RBFOX1: variants seen among roughly 807,000 people sequenced by gnomAD.
RBFOX1 encodes RNA binding fox-1 homolog 1, also known as RNA binding protein fox-1 homolog 1.
Under a neutral mutation model 57.7 loss-of-function variants are expected in RBFOX1, and 8 were observed. The ratio of observed to expected loss-of-function variants is 0.14; its 90% confidence interval spans 0.08 to 0.25. RBFOX1 has a LOEUF of 0.25. Among genes scored for constraint, RBFOX1 ranks in the 10% least tolerant of loss-of-function variants. The probability of loss-of-function intolerance (pLI) is 1.00; values close to 1 mark genes in which losing one functional copy is unlikely to be tolerated. For missense variants in RBFOX1, 611 were observed against 548.5 expected (o/e 1.11, Z -1.14); for synonymous variants, 326 against 222.4 (o/e 1.47, Z -4.15).
intron 2 of RBFOX1, among the ~76,000 whole-genome samples, chr16:6,546,053 G>C (rs2096890434): frequency 6.6e-6 from 1 of 152,134 alleles, no homozygotes; most frequent in Admixed American, 6.5e-5. Flanking sequence ...AATAGCTGAT[G>C]AACTATTAAA....
chr16:6,030,569 A>G (rs1332962235), intron 1 of RBFOX1, among the ~76,000 whole-genome samples: 1 of 152,258 alleles, frequency 6.6e-6, no homozygotes, highest in Admixed American at 6.5e-5. Flanking sequence ...ATGTGAACAT[A>G]TTCAAATATT....
rs114703137 is a variant in RBFOX1, at chr16:7,656,482, G to A, written c.890+2535G>A. On this transcript the variant is annotated intron_variant, in intron 12 of 15. Coordinates refer to ENST00000550418, the MANE Select transcript of RBFOX1 (RefSeq NM_018723.4). ...CCTATCTTGTGTTCAGGGAGAGCAAGAACCCCTATGTTGTGTTCAGGGAAA... is the reference window on the plus strand; with the variant it reads ...CCTATCTTGTGTTCAGGGAGAGCAAAAACCCCTATGTTGTGTTCAGGGAAA... Among the ~76,000 whole-genome samples, 186 of 152,252 alleles carry A rather than the reference G, an allele frequency of 1.2e-3. 2 individuals carry two copies. Among genetic ancestry groups the A allele is most frequent in the African/African-American group, 4.3e-3 (178 of 41,544 alleles).
At chr16:5,763,827 C>G (rs2053674554) in intron 3 of RBFOX1, among the ~76,000 whole-genome samples, 1 of 152,216 alleles carries the variant, frequency 6.6e-6, no homozygotes, top group South Asian at 2.1e-4. Flanking sequence ...TCTGAGCTTA[C>G]ACTCCTCTGA....
chr16:6,461,489 G>A (rs963368836), intron 2 of RBFOX1, among the ~76,000 whole-genome samples: 27 of 152,242 alleles, frequency 1.8e-4, no homozygotes, highest in African/African-American at 6.3e-4. Flanking sequence ...GATCTTTCAG[G>A]CTAATTTTAC....
intron 4 of RBFOX1, among the ~76,000 whole-genome samples, chr16:7,130,195 A>C (rs1316039170): frequency 6.6e-6 from 1 of 151,806 alleles, no homozygotes; most frequent in Non-Finnish European, 1.5e-5. Flanking sequence ...CACCATGCCC[A>C]GCTAATTTTT....
chr16:5,760,095 A>G (rs992749134), intron 3 of RBFOX1, among the ~76,000 whole-genome samples: 1 of 151,932 alleles, frequency 6.6e-6, no homozygotes, highest in Non-Finnish European at 1.5e-5. Flanking sequence ...TGCTTACCTA[A>G]TATTTATTGA....
intron 3 of RBFOX1, among the ~76,000 whole-genome samples, chr16:6,936,552 A>AT (rs1029714294): frequency 5.3e-5 from 8 of 151,988 alleles, no homozygotes; most frequent in South Asian, 4.2e-4. Flanking sequence ...TAAGGGCTAC[A>AT]TTTTTTTCAT....
chr16:5,407,869 C>G (rs2066908204), intron 1 of RBFOX1, among the ~76,000 whole-genome samples: 1 of 152,196 alleles, frequency 6.6e-6, no homozygotes, highest in Admixed American at 6.5e-5. Flanking sequence ...GGCTTTAACC[C>G]AAGTCCCGTG....
At chr16:5,722,805 G>C (rs1252255592) in intron 3 of RBFOX1, among the ~76,000 whole-genome samples, 1 of 152,114 alleles carries the variant, frequency 6.6e-6, no homozygotes, top group Non-Finnish European at 1.5e-5. Context: ...TCTGTTAAAT[G>C]CCACTGTTTC....
chr16:6,356,253 A>T (rs2087297172), intron 2 of RBFOX1, among the ~76,000 whole-genome samples: 1 of 152,158 alleles, frequency 6.6e-6, no homozygotes, highest in South Asian at 2.1e-4. Flanking sequence ...AAGGAAAGGG[A>T]GCAATGTTGC....
At chr16:6,630,565 A>C (rs866607376) in intron 2 of RBFOX1, among the ~76,000 whole-genome samples, 1 of 152,188 alleles carries the variant, frequency 6.6e-6, no homozygotes, top group African/African-American at 2.4e-5. Context: ...TTACAGGTTA[A>C]GAAAGCTAAG....
chr16:6,507,778 T>C (rs993330135), intron 2 of RBFOX1, among the ~76,000 whole-genome samples: 1 of 151,612 alleles, frequency 6.6e-6, no homozygotes, highest in Non-Finnish European at 1.5e-5. Flanking sequence ...GTCAAATTCA[T>C]AAAGACAGAA....
chr16:7,155,158 C>G (rs892442139), intron 4 of RBFOX1, among the ~76,000 whole-genome samples: 1 of 152,088 alleles, frequency 6.6e-6, no homozygotes, highest in Non-Finnish European at 1.5e-5. Context: ...TTTGAAGAGG[C>G]TGAGTACTAC....
chr16:5,571,504 C>T lies in RBFOX1; in HGVS notation c.259-27398C>T, dbSNP rs749063927. ...TATAGAGAGCCAAAGGCCTGAGGGT[C>T]GTGGCCAACTCAGCATTCCACTGAA... On this transcript the variant is annotated intron_variant, in intron 2 of 2. Transcript: ENST00000585867. Among the ~76,000 whole-genome samples the T allele has an allele frequency of 5.9e-5, 9 of 152,106 alleles. No homozygotes were observed. In the East Asian group the frequency reaches 1.2e-3, roughly 20 times the overall value.
At chr16:6,852,259 C>G (rs1476962552) in intron 3 of RBFOX1, among the ~76,000 whole-genome samples, 1 of 152,086 alleles carries the variant, frequency 6.6e-6, no homozygotes, top group Non-Finnish European at 1.5e-5. Flanking sequence ...GTCTCTGCCT[C>G]TGTGTTCTTG....
At position 7,037,970 on chromosome 16, in the gene RBFOX1, C is replaced by G. The variant is rs1180621124; in HGVS notation, c.-15-14087C>G. On this transcript the variant is annotated intron_variant, in intron 3 of 15. Transcript: ENST00000550418. ...AATTATTATTAGAGCTCTGTAATAT[C>G]CAATGAGAAAGAAAAAAAATTACAG... Among the ~76,000 whole-genome samples, 6 of 152,062 alleles carry G rather than the reference C, an allele frequency of 3.9e-5. No homozygotes were observed. The East Asian group carries it at 1.2e-3, about 29-fold the overall frequency.
chr16:6,140,187 C>CTTTTT (rs5815288), intron 1 of RBFOX1, among the ~76,000 whole-genome samples: 8 of 137,292 alleles, frequency 5.8e-5, no homozygotes, highest in Non-Finnish European at 8.0e-5. Flanking sequence ...CTGGAAATGA[C>CTTTTT]TTTTTTTTTT....
At chr16:5,506,099 A>G (rs1269594618) in intron 2 of RBFOX1, among the ~76,000 whole-genome samples, 2 of 152,126 alleles carry the variant, frequency 1.3e-5, no homozygotes, top group African/African-American at 4.8e-5. Flanking sequence ...CTTTGAGCCC[A>G]CACTGCCTCA....
chr16:7,504,733 A>ATT (rs1567553539), intron 4 of RBFOX1, among the ~76,000 whole-genome samples: 108 of 7,616 alleles, frequency 0.014, 3 homozygotes, highest in Non-Finnish European at 0.027. Context: ...ATATATATAT[A>ATT]TATATATATA....
Sources: gnomAD v4.1 joint callset for allele counts (sites outside exome capture counted in the v4.1 genomes callset) on GRCh38, gnomAD v4.1.1 for gene constraint, MANE v1.5 for transcripts, NCBI Gene and HGNC (gene_info 2026-07-23, HGNC 2026-07-21) for gene names.